The following B4GALT1 variants were observed in gnomAD, a reference collection of about 807,000 sequenced individuals.
B4GALT1 encodes N-acetyllactosamine synthase.
B4GALT1 carries 16 observed loss-of-function variants against 34.9 expected under a neutral mutation model. The observed-to-expected ratio is 0.46, with a 90% CI of 0.31 to 0.70. The LOEUF is 0.70. B4GALT1 is among the 30% of genes least tolerant of loss of function. The pLI, the probability that B4GALT1 is intolerant of heterozygous loss-of-function variation, is 0.05. For missense variants in B4GALT1, 445 were observed against 530.5 expected, an observed-to-expected ratio of 0.84 and a Z score of 1.58; for synonymous variants, 221 against 218.1, an observed-to-expected ratio of 1.01 and a Z score of -0.12.
intron 1 of B4GALT1, among the ~76,000 whole-genome samples, chr9:33,144,258 G>T (rs1377923332): frequency 2.6e-5 from 4 of 151,726 alleles, no homozygotes; most frequent in African/African-American, 4.8e-5. Flanking sequence ...TTTTGAGGAG[G>T]AGTCTCACTC....
chr9:33,174,993 ATATATATATATAT>A, the B4GALT1 span, among the ~76,000 whole-genome samples: 1 of 31,506 alleles, frequency 3.2e-5, no homozygotes, highest in African/African-American at 9.8e-5. Flanking sequence ...AAAAAAAAAT[ATATATATATATAT>A]ATATATATAT....
chr9:33,182,304 T>G, the B4GALT1 span, among the ~76,000 whole-genome samples: 4 of 152,238 alleles, frequency 2.6e-5, no homozygotes, highest in East Asian at 7.7e-4. Flanking sequence ...GTCATTGGAC[T>G]TGGGCTCACC....
chr9:33,105,063 G>A (rs1235218832), intron 2 of B4GALT1, among the ~76,000 whole-genome samples: 10 of 151,796 alleles, frequency 6.6e-5, no homozygotes, highest in East Asian at 1.9e-4. Context: ...CAAGTGATCC[G>A]CCCACCTTGG....
upstream of B4GALT1, among the ~76,000 whole-genome samples, chr9:33,171,825 G>C (rs1840844516): frequency 6.6e-6 from 1 of 152,208 alleles, no homozygotes; most frequent in Non-Finnish European, 1.5e-5. Flanking sequence ...AAAGTGCTGA[G>C]ATTACCAGCA....
chr9:33,134,552 T>G (rs1428551821), intron 2 of B4GALT1, among the ~76,000 whole-genome samples: 1 of 152,264 alleles, frequency 6.6e-6, no homozygotes, highest in South Asian at 2.1e-4. Context: ...GCCATGGTGA[T>G]GAAAGTTGAC....
At chr9:33,179,959 A>G in the B4GALT1 span, 3 of 152,360 alleles carry the variant, frequency 2.0e-5, no homozygotes, top group South Asian at 6.2e-4. Context: ...CCTTGGAGCC[A>G]GAGAATAAAC....
At chr9:33,151,413 T>C (rs958151849) in intron 1 of B4GALT1, among the ~76,000 whole-genome samples, 9 of 152,040 alleles carry the variant, frequency 5.9e-5, no homozygotes, top group Non-Finnish European at 8.8e-5. Context: ...CATCCTTCTC[T>C]CTCCACCTAG....
intron 1 of B4GALT1, among the ~76,000 whole-genome samples, chr9:33,150,162 T>TATATATACACACACAC (rs1564050675): frequency 2.6e-4 from 14 of 54,728 alleles, no homozygotes; most frequent in East Asian, 3.0e-3. Flanking sequence ...CACACACACA[T>TATATATACACACACAC]ATATATGAGA....
chr9:33,153,808 ACT>A (rs765313562), intron 1 of B4GALT1, among the ~76,000 whole-genome samples: 1 of 151,786 alleles, frequency 6.6e-6, no homozygotes, highest in Non-Finnish European at 1.5e-5. Flanking sequence ...CCGACCACAA[ACT>A]CTCTCAAAAT....
intron 3 of B4GALT1, among the ~76,000 whole-genome samples, chr9:33,116,855 G>A (rs1256276448): frequency 6.6e-6 from 1 of 152,072 alleles, no homozygotes; most frequent in Non-Finnish European, 1.5e-5. Context: ...GGGTGGGGTG[G>A]GAGGGAGCAG....
intron 2 of B4GALT1, among the ~76,000 whole-genome samples, chr9:33,127,997 C>A (rs1840137521): frequency 6.6e-6 from 1 of 152,184 alleles, no homozygotes; most frequent in South Asian, 2.1e-4. Context: ...ACCAGCAGGG[C>A]CCTGGCTCTG....
At chr9:33,153,898 A>T (rs1288567031) in intron 1 of B4GALT1, among the ~76,000 whole-genome samples, 2 of 151,628 alleles carry the variant, frequency 1.3e-5, no homozygotes. Context: ...CAAAGATCTC[A>T]CGACGAAAGA....
chr9:33,173,805 A>G, the B4GALT1 span, among the ~76,000 whole-genome samples: 2 of 152,200 alleles, frequency 1.3e-5, no homozygotes, highest in Non-Finnish European at 2.9e-5. Context: ...CTCTTGTGTC[A>G]GAAAGTGAGG....
the B4GALT1 span, among the ~76,000 whole-genome samples, chr9:33,173,628 G>A: frequency 2.0e-5 from 3 of 150,538 alleles, no homozygotes; most frequent in East Asian, 5.8e-4. Flanking sequence ...GTGTGTGTGT[G>A]TGTATTGTCT....
chr9:33,157,144 A>ACACACACACACACACACACACG (rs1213346238), intron 1 of B4GALT1, among the ~76,000 whole-genome samples: 4 of 151,082 alleles, frequency 2.6e-5, no homozygotes, highest in African/African-American at 9.8e-5. Flanking sequence ...ACACACACAC[A>ACACACACACACACACACACACG]CACACACACA....
At chr9:33,104,679 A>C in exon 3 of B4GALT1, 1 of 447,152 alleles carries the variant, frequency 2.2e-6, no homozygotes, top group Non-Finnish European at 4.5e-6. Context: ...CTCACGCTCA[A>C]ATCTCCAGGA....
chr9:33,106,765 A>G (rs1054194726), downstream of B4GALT1, among the ~76,000 whole-genome samples: 4 of 152,192 alleles, frequency 2.6e-5, no homozygotes, highest in African/African-American at 9.6e-5. Context: ...AAGAAGACAG[A>G]GAAGGTTAGT....
chr9:33,181,788 G>A, the B4GALT1 span, among the ~76,000 whole-genome samples: 10 of 152,246 alleles, frequency 6.6e-5, no homozygotes, highest in Middle Eastern at 6.8e-3. Flanking sequence ...CTCTGGAATG[G>A]CCAGTCTGGA....
At chr9:33,133,573 G>A (rs1024608439) in intron 2 of B4GALT1, among the ~76,000 whole-genome samples, 1 of 152,194 alleles carries the variant, frequency 6.6e-6, no homozygotes, top group Non-Finnish European at 1.5e-5. Flanking sequence ...AAAGTGACCC[G>A]CATTTTGCAG....
Sources: allele counts gnomAD v4.1 joint callset (sites outside exome capture counted in the v4.1 genomes callset), GRCh38; gene constraint gnomAD v4.1.1; transcripts MANE v1.5; gene names NCBI Gene and HGNC (gene_info 2026-07-23, HGNC 2026-07-21).